Variants in PCSK6 observed in about 807,000 individuals in gnomAD.
The protein encoded by PCSK6 is proprotein convertase subtilisin/kexin type 6.
In PCSK6, 85 loss-of-function variants were observed where a neutral mutation model predicts 123.3. The observed-to-expected ratio is 0.69, with a 90% confidence interval of 0.58 to 0.83. The LOEUF (loss-of-function observed/expected upper bound fraction) is 0.83, where lower values mean the gene tolerates loss of function less well. Among genes scored for constraint, PCSK6 ranks in the 40% least tolerant of loss-of-function variants. PCSK6 has a pLI of 0.00. For missense variants in PCSK6, 1,191 were observed against 1,282.3 expected (o/e 0.93, Z 1.09); for synonymous variants, 508 against 516.0 (o/e 0.98, Z 0.21).
At position 101,305,183 on chromosome 15, in the gene PCSK6, CTGG is replaced by C; in HGVS notation, c.*72_*74del. ...CAGGGCGCCGCTCCTGAAACAGACT[CTGG>C]CCGACAGTCTGGAGGAAGGTGGACG... is the stretch of plus-strand genomic sequence containing the variant. On this transcript the variant is annotated 3_prime_UTR_variant, in exon 22 of 22. Transcript: ENST00000611716. This position sits in a 1 kb window ranked among gnomAD's most constrained non-coding sequence, Gnocchi z 4.8. 1 of 1,282,398 alleles carries C rather than the reference CTGG, an allele frequency of 7.8e-7. No homozygotes were observed. Among genetic ancestry groups the C allele is most frequent in the East Asian group, 2.5e-5 (1 of 40,364 alleles). The allele number at this position is 1,282,398 out of a possible 1,614,324, so 79.4% of individuals were successfully genotyped here.
intron 1 of PCSK6, among the ~76,000 whole-genome samples, chr15:101,479,010 T>G (rs2057801811): frequency 6.6e-6 from 1 of 152,238 alleles, no homozygotes; most frequent in Non-Finnish European, 1.5e-5. Context: ...TCTCATTCAC[T>G]AAACCTTCTC....
chr15:101,340,595 T>C (rs939315809), intron 13 of PCSK6, among the ~76,000 whole-genome samples: 4 of 152,240 alleles, frequency 2.6e-5, no homozygotes, highest in African/African-American at 9.6e-5. Flanking sequence ...CACCTCTTTT[T>C]AACACTTTGA....
At chr15:101,448,159 C>A (rs1036984092) in intron 1 of PCSK6, among the ~76,000 whole-genome samples, 2 of 152,244 alleles carry the variant, frequency 1.3e-5, no homozygotes, top group African/African-American at 4.8e-5. Context: ...ATGCACCATT[C>A]AAGAAAATAA....
At chr15:101,330,830 C>T (rs1490730530) in intron 15 of PCSK6, among the ~76,000 whole-genome samples, 1 of 152,196 alleles carries the variant, frequency 6.6e-6, no homozygotes, top group Non-Finnish European at 1.5e-5. Flanking sequence ...TTAGTCCATA[C>T]ATAATTCAAT....
chr15:101,445,212 G>C (rs921109633), intron 1 of PCSK6, among the ~76,000 whole-genome samples: 3 of 152,064 alleles, frequency 2.0e-5, no homozygotes, highest in African/African-American at 7.2e-5. Flanking sequence ...ATTCTCTCTC[G>C]GGCTCCTCCA....
chr15:101,314,091 G>C lies in PCSK6; in HGVS notation c.2570-586C>G, dbSNP rs545566939. ...GGAAGATGAAAGAAGAGATCTTTGG[G>C]AATGGTGTTGACAGGTGTTTGGTGT... On this transcript the variant is annotated intron_variant, in intron 19 of 21. Coordinates refer to ENST00000611716, the MANE Select transcript of PCSK6 (RefSeq NM_002570.5). 2.9e-4 allele frequency among the ~76,000 whole-genome samples: 44 copies of C among 152,316 alleles called. 2 individuals are homozygous for C. The highest frequency in any genetic ancestry group is 6.5e-4 in the Admixed American group (10 of 15,296).
chr15:101,363,610 G>T (rs2041298354), intron 13 of PCSK6, among the ~76,000 whole-genome samples: 1 of 151,944 alleles, frequency 6.6e-6, no homozygotes, highest in South Asian at 2.1e-4. Context: ...TTACATTTTT[G>T]TACTTTTAGG....
intron 1 of PCSK6, among the ~76,000 whole-genome samples, chr15:101,454,980 G>GAATAAATAAATAAATA (rs869105490): frequency 1.0e-5 from 1 of 97,880 alleles, no homozygotes; most frequent in East Asian, 3.4e-4. Context: ...ATGAATGAAT[G>GAATAAATAAATAAATA]AATAAATAAA....
intron 13 of PCSK6, among the ~76,000 whole-genome samples, chr15:101,353,710 C>CACA (rs1214435786): frequency 1.3e-5 from 2 of 152,204 alleles, no homozygotes; most frequent in African/African-American, 2.4e-5. Flanking sequence ...AACCACTGGC[C>CACA]ACAGGGCTAA....
intron 2 of PCSK6, among the ~76,000 whole-genome samples, chr15:101,433,765 C>T (rs1433336914): frequency 2.0e-5 from 3 of 152,214 alleles, no homozygotes; most frequent in South Asian, 2.1e-4. Context: ...CTCCCTGAGC[C>T]TTGGCCTCCC....
intron 6 of PCSK6, among the ~76,000 whole-genome samples, chr15:101,399,938 G>A (rs976215532): frequency 2.0e-5 from 3 of 152,190 alleles, no homozygotes; most frequent in Admixed American, 6.5e-5. Flanking sequence ...TGGAAAAGAG[G>A]ACTTCTTCTG....
At chr15:101,434,663 G>T (rs575859937) in intron 2 of PCSK6, among the ~76,000 whole-genome samples, 8 of 152,350 alleles carry the variant, frequency 5.3e-5, no homozygotes, top group African/African-American at 1.9e-4. Context: ...CCTGCTCATT[G>T]TAAGTCTCTG....
At chr15:101,428,940 G>A (rs2056351702) in intron 5 of PCSK6, among the ~76,000 whole-genome samples, 1 of 152,188 alleles carries the variant, frequency 6.6e-6, no homozygotes, top group African/African-American at 2.4e-5. Flanking sequence ...ATCCTCACTG[G>A]CAGCAGGAAG....
intron 1 of PCSK6, among the ~76,000 whole-genome samples, chr15:101,482,718 T>G (rs1460850665): frequency 6.6e-6 from 1 of 152,134 alleles, no homozygotes; most frequent in Non-Finnish European, 1.5e-5. Flanking sequence ...GCTTCCCTGG[T>G]TTCCGCCCAG....
At position 101,427,880 on chromosome 15, in the gene PCSK6, G is replaced by A. The variant is rs191834720; in HGVS notation, c.823+12C>T. The A allele has an allele frequency of 9.1e-5, 141 of 1,552,072 alleles. No homozygotes were observed. The highest frequency in any genetic ancestry group is 1.2e-4 in the Non-Finnish European group (133 of 1,146,004). On this transcript the variant is annotated intron_variant, in intron 6 of 21. Coordinates refer to ENST00000611716, the MANE Select transcript of PCSK6 (RefSeq NM_002570.5). ...GGCCCCTCGGCTCGCAGGCTGCCAC[G>A]CCCGGCCTTACCTCCTATTTTGGCA... is the stretch of plus-strand genomic sequence containing the variant.
At chr15:101,396,146 A>C (rs1015477774) in intron 7 of PCSK6, among the ~76,000 whole-genome samples, 3 of 152,148 alleles carry the variant, frequency 2.0e-5, no homozygotes, top group Non-Finnish European at 4.4e-5. Context: ...TTTACTTCCA[A>C]ATGACGAAAA....
intron 13 of PCSK6, among the ~76,000 whole-genome samples, chr15:101,354,565 C>T (rs1268378014): frequency 6.6e-6 from 1 of 152,262 alleles, no homozygotes; most frequent in Non-Finnish European, 1.5e-5. Flanking sequence ...ATCTTTACAT[C>T]GTTAAATTTA....
At chr15:101,330,646 C>T (rs570427540) in intron 15 of PCSK6, among the ~76,000 whole-genome samples, 1 of 152,370 alleles carries the variant, frequency 6.6e-6, no homozygotes, top group East Asian at 1.9e-4. Flanking sequence ...TGGAGACCCC[C>T]TCTCTCCACC....
intron 2 of PCSK6, among the ~76,000 whole-genome samples, chr15:101,439,182 A>T (rs571190602): frequency 7.9e-5 from 12 of 152,282 alleles, no homozygotes; most frequent in African/African-American, 2.6e-4. Context: ...GAACAAGTGT[A>T]GGGGGGAAGG....
Sources: allele counts gnomAD v4.1 joint callset (sites outside exome capture counted in the v4.1 genomes callset), GRCh38; gene constraint gnomAD v4.1.1; non-coding constraint Gnocchi (gnomAD v3.1); transcripts MANE v1.5; gene names NCBI Gene and HGNC (gene_info 2026-07-23, HGNC 2026-07-21).